Variants in RGL3 observed in about 807,000 individuals in gnomAD.
The protein encoded by RGL3 is ral guanine nucleotide dissociation stimulator like 3, also known as ral guanine nucleotide dissociation stimulator-like 3.
RGL3 carries 85 observed loss-of-function variants against 90.6 expected under a neutral mutation model. That is an observed-to-expected ratio of 0.94 (90% CI 0.79 to 1.12). RGL3 has a LOEUF of 1.12. Ranked by LOEUF, RGL3 falls within the 50% of genes most tolerant of loss-of-function variation. The pLI is 0.00. For missense variants in RGL3, 1,034 were observed against 939.2 expected (o/e 1.10, Z -1.32); for synonymous variants, 408 against 385.5 (o/e 1.06, Z -0.68).
chr19:11,416,904 C>G lies in RGL3; in HGVS notation c.303G>C (p.Arg101=). 6.2e-7 allele frequency: 1 copy of G among 1,614,054 alleles called. No individual in the cohort carries two copies. The highest frequency in any genetic ancestry group is 8.5e-7 in the Non-Finnish European group (1 of 1,180,016). The change falls in exon 3 of 19, where the codon CGG becomes CGC. Residue 101 remains arginine (R), a synonymous_variant. Transcript: ENST00000380456. ...GCAGGCAGGCAGTGGGTACAAAGGTCCGGTAGGTGGCCAGGAAGGCGGGCA... is the reference window on the plus strand; with the variant it reads ...GCAGGCAGGCAGTGGGTACAAAGGTGCGGTAGGTGGCCAGGAAGGCGGGCA... ...SFMPAFLATY[R]TFVPTACLLG...
chr19:11,416,375 T>C (rs1968998188), intron 4 of RGL3: 1 of 617,068 alleles, frequency 1.6e-6, no homozygotes, highest in Non-Finnish European at 2.8e-6. Flanking sequence ...GTTGTTGTAT[T>C]TTTAGTAGAG....
chr19:11,415,294 G>A (rs1968973591), intron 5 of RGL3, among the ~76,000 whole-genome samples: 1 of 151,884 alleles, frequency 6.6e-6, no homozygotes, highest in African/African-American at 2.4e-5. Context: ...TGTTGAGCCT[G>A]CACTGAGCCA....
rs759405961 is a variant in RGL3 at position 11,415,939 on chromosome 19, G to A, written c.635C>T (p.Thr212Ile). ...GACTGGATCTGAAAACCCCTCACCTGTCCACACCTGAGGCGGCTCCTCTTC... is the reference window on the plus strand; with the variant it reads ...GACTGGATCTGAAAACCCCTCACCTATCCACACCTGAGGCGGCTCCTCTTC... ...EQEEEPPQVW[T>I]GPPRVAQTSD... The change falls in exon 5 of 19, where the codon ACA (threonine) becomes ATA (isoleucine). Residue 212 changes from threonine to isoleucine, a missense_variant and splice_region_variant. By Grantham distance (89) the Thr-to-Ile change is moderately conservative. Transcript: ENST00000380456. 6.8e-6 allele frequency: 11 copies of A among 1,612,246 alleles called. No homozygotes were observed. Among genetic ancestry groups the A allele is most frequent in the Non-Finnish European group, 9.3e-6 (11 of 1,179,208 alleles).
chr19:11,395,278 G>C (rs1432911095), intron 18 of RGL3, among the ~76,000 whole-genome samples: 2 of 151,486 alleles, frequency 1.3e-5, no homozygotes, highest in African/African-American at 4.9e-5. Flanking sequence ...CTTCCAGCCT[G>C]CACGAGCTTG....
chr19:11,396,502 C>T (rs1968575939), intron 18 of RGL3, among the ~76,000 whole-genome samples: 1 of 151,188 alleles, frequency 6.6e-6, no homozygotes, highest in South Asian at 2.1e-4. Flanking sequence ...GATGGGGTCT[C>T]CTCATGTTGC....
At position 11,405,229 on chromosome 19, in the gene RGL3, TC is replaced by T; in HGVS notation, c.1102del (p.Glu368AsnfsTer107). 2 of 1,614,060 alleles carry T rather than the reference TC, an allele frequency of 1.2e-6. No individual in the cohort carries two copies. Among genetic ancestry groups the T allele is most frequent in the Non-Finnish European group, 1.7e-6 (2 of 1,179,970 alleles). ...LKRSWGAVSR[E>X]PLSTFRKLSQ... ...AAGTTTCCTGAAAGTAGATAGCGGTTCCCTGGAAGGACAGGAGAAGGGTGGT... is the reference window on the plus strand; with the variant it reads ...AAGTTTCCTGAAAGTAGATAGCGGTTCCTGGAAGGACAGGAGAAGGGTGGT... On this transcript the variant is annotated frameshift_variant and splice_region_variant, in exon 9 of 19. Transcript: ENST00000380456. LOFTEE classifies it high-confidence loss of function.
In RGL3 at chr19:11,407,501, A is replaced by G. The variant is rs538320727; in HGVS notation, c.638-637T>C. ...GTTTGAAGCCGGGTACTCAAAGGCCAGAGAAGAAAATAGAGCTTTATGATT... is the reference window on the plus strand; with the variant it reads ...GTTTGAAGCCGGGTACTCAAAGGCCGGAGAAGAAAATAGAGCTTTATGATT... On this transcript the variant is annotated intron_variant, in intron 5 of 18. Coordinates refer to ENST00000380456, the MANE Select transcript of RGL3 (RefSeq NM_001035223.4). Among the ~76,000 whole-genome samples the G allele has an allele frequency of 4.6e-5, 7 of 152,198 alleles. No individual in the cohort carries two copies. In the South Asian group the frequency reaches 1.5e-3, roughly 32 times the overall value.
intron 5 of RGL3, among the ~76,000 whole-genome samples, chr19:11,408,326 A>G (rs1968816412): frequency 6.6e-6 from 1 of 152,236 alleles, no homozygotes; most frequent in African/African-American, 2.4e-5. Context: ...TCACGCCTGT[A>G]ATCCCAGCAC....
chr19:11,397,109 C>T (rs1473581094), intron 18 of RGL3, 135 bp downstream of exon 18: 1 of 680,192 alleles, frequency 1.5e-6, no homozygotes, highest in African/African-American at 1.8e-5. Flanking sequence ...CACTGATTAT[C>T]TTACCCCTAC....
chr19:11,406,029 C>T (rs1968771905), intron 7 of RGL3, among the ~76,000 whole-genome samples: 1 of 151,836 alleles, frequency 6.6e-6, no homozygotes, highest in Non-Finnish European at 1.5e-5. Flanking sequence ...CAGCCTGATC[C>T]CGTGACTTGT....
intron 7 of RGL3, among the ~76,000 whole-genome samples, chr19:11,405,667 C>A: frequency 1.3e-5 from 2 of 149,204 alleles, no homozygotes; most frequent in Non-Finnish European, 1.5e-5. Flanking sequence ...GGACTACAGG[C>A]GCGCGCCATC....
chr19:11,396,100 A>ATCTCTCTCTCTCTC (rs66711304), intron 18 of RGL3, among the ~76,000 whole-genome samples: 3 of 33,930 alleles, frequency 8.8e-5, no homozygotes, highest in African/African-American at 3.2e-4. Context: ...TGCTCAGCTA[A>ATCTCTCTCTCTCTC]TCTCTCTCTC....
intron 18 of RGL3, among the ~76,000 whole-genome samples, chr19:11,396,140 A>C (rs74752986): frequency 0.013 from 579 of 44,776 alleles, 2 homozygotes; most frequent in East Asian, 0.021. Flanking sequence ...CTCTCTCTAT[A>C]TATATATATA....
At chr19:11,411,070 G>A (rs931166497) in intron 5 of RGL3, among the ~76,000 whole-genome samples, 5 of 151,858 alleles carry the variant, frequency 3.3e-5, no homozygotes, top group South Asian at 2.1e-4. Flanking sequence ...TTAGCTGGGC[G>A]TGTTGGTGGG....
chr19:11,409,169 C>CA (rs1267799858), intron 5 of RGL3, among the ~76,000 whole-genome samples: 1,357 of 69,342 alleles, frequency 0.02, 11 homozygotes, highest in South Asian at 0.08. Context: ...GACTTTGTCT[C>CA]AAAAAAAAAA....
Position 11,396,158 on chromosome 19 carries a change from ATTTTT to A in RGL3, c.2014+1081_2014+1085del, listed in dbSNP as rs1169850022. On this transcript the variant is annotated intron_variant, in intron 18 of 18. Coordinates refer to ENST00000380456, the MANE Select transcript of RGL3 (RefSeq NM_001035223.4). ...TCTCTATATATATATATATATATAT[ATTTTT>A]TTTTTTTTTTTTTTTTTTTTTTTGA... is the stretch of plus-strand genomic sequence containing the variant. Among the ~76,000 whole-genome samples the A allele has an allele frequency of 8.5e-3, 218 of 25,580 alleles. 12 individuals carry two copies. The highest frequency in any genetic ancestry group is 0.032 in the African/African-American group (198 of 6,284). The allele number at this position is 25,580 out of a possible 152,430, so 16.8% of individuals were successfully genotyped here.
intron 2 of RGL3, among the ~76,000 whole-genome samples, chr19:11,418,227 C>T (rs1214684005): frequency 1.6e-5 from 2 of 124,712 alleles, no homozygotes; most frequent in African/African-American, 6.0e-5. Flanking sequence ...CCCTCCCCCT[C>T]CCGTCCCCTC....
chr19:11,419,150 A>G, intron 1 of RGL3, 96 bp downstream of exon 1: 1 of 1,362,146 alleles, frequency 7.3e-7, no homozygotes, highest in Non-Finnish European at 1.0e-6. Context: ...GCAAGTTCAG[A>G]TTGGGAGCAG....
intron 5 of RGL3, among the ~76,000 whole-genome samples, chr19:11,414,411 A>T (rs1331381260): frequency 2.4e-5 from 3 of 124,276 alleles, no homozygotes; most frequent in African/African-American, 9.4e-5. Flanking sequence ...CTTTATATAT[A>T]TATACCTTTA....
Sources: gnomAD v4.1 joint callset for allele counts (sites outside exome capture counted in the v4.1 genomes callset) on GRCh38, gnomAD v4.1.1 for gene constraint, MANE v1.5 for transcripts, NCBI Gene and HGNC (gene_info 2026-07-23, HGNC 2026-07-21) for gene names.